The following CERK variants were observed in gnomAD, a reference collection of about 807,000 sequenced individuals.
CERK encodes acylsphingosine kinase.
A neutral mutation model predicts 63.4 loss-of-function variants in CERK; 39 were observed. The observed-to-expected ratio is 0.61, with a 90% confidence interval of 0.48 to 0.80. The LOEUF (loss-of-function observed/expected upper bound fraction) is 0.80, where lower values mean the gene tolerates loss of function less well. Among genes scored for constraint, CERK ranks in the 30% least tolerant of loss-of-function variants. The pLI, the probability that CERK is intolerant of heterozygous loss-of-function variation, is 0.00. For missense variants in CERK, 670 were observed against 714.1 expected (o/e 0.94, Z 0.70); for synonymous variants, 302 against 280.0 (o/e 1.08, Z -0.78).
intron 6 of CERK, among the ~76,000 whole-genome samples, chr22:46,704,392 G>T (rs2082803184): frequency 6.6e-6 from 1 of 152,216 alleles, no homozygotes; most frequent in Non-Finnish European, 1.5e-5. Context: ...CAGCATAGAT[G>T]AGAATGCAGA....
chr22:46,733,929 A>G (rs2082958909), intron 1 of CERK, among the ~76,000 whole-genome samples: 1 of 151,998 alleles, frequency 6.6e-6, no homozygotes, highest in Admixed American at 6.6e-5. Flanking sequence ...CCAGCTACTC[A>G]GGAGGCTAAG....
chr22:46,698,191 A>C (rs568494330), intron 8 of CERK, among the ~76,000 whole-genome samples: 1 of 152,388 alleles, frequency 6.6e-6, no homozygotes, highest in Non-Finnish European at 1.5e-5. Context: ...TCTCCGCTAT[A>C]AAGTGGGGCA....
chr22:46,724,901 G>A (rs2082910695), intron 1 of CERK, among the ~76,000 whole-genome samples: 1 of 152,092 alleles, frequency 6.6e-6, no homozygotes, highest in Admixed American at 6.5e-5. Context: ...GGCACCTGTA[G>A]CCCCAGCTAC....
chr22:46,729,866 T>C lies in CERK; in HGVS notation c.142+8141A>G, dbSNP rs1049145024. ...CATCCTGGCTAACACGGTGAAACCCTGTCCCTACTAAAAATACAAAAAATT... is the reference window on the plus strand; with the variant it reads ...CATCCTGGCTAACACGGTGAAACCCCGTCCCTACTAAAAATACAAAAAATT... On this transcript the variant is annotated intron_variant, in intron 1 of 12. Coordinates refer to ENST00000216264, the MANE Select transcript of CERK (RefSeq NM_022766.6). 8.6e-5 allele frequency among the ~76,000 whole-genome samples: 13 copies of C among 152,034 alleles called. No individual in the cohort carries two copies. In the East Asian group the frequency reaches 2.3e-3, roughly 27 times the overall value.
At chr22:46,692,026 TTGGACAA>T (rs1345657647) in intron 10 of CERK, among the ~76,000 whole-genome samples, 4 of 152,346 alleles carry the variant, frequency 2.6e-5, no homozygotes, top group Non-Finnish European at 4.4e-5. Flanking sequence ...TTGGTGACTT[TTGGACAA>T]TTTAGAACAA....
At chr22:46,718,906 T>C (rs972131842) in intron 3 of CERK, among the ~76,000 whole-genome samples, 1 of 151,958 alleles carries the variant, frequency 6.6e-6, no homozygotes, top group African/African-American at 2.4e-5. Flanking sequence ...AAACCCTGTC[T>C]GTACAAAAAA....
At chr22:46,734,514 G>A (rs1373928158) in intron 1 of CERK, among the ~76,000 whole-genome samples, 3 of 152,224 alleles carry the variant, frequency 2.0e-5, no homozygotes, top group African/African-American at 7.2e-5. Context: ...TGTCCCTGGT[G>A]AGAAAACAGC....
chr22:46,706,678 CA>C (rs2082814523), intron 6 of CERK, among the ~76,000 whole-genome samples: 3 of 152,130 alleles, frequency 2.0e-5, no homozygotes, highest in Non-Finnish European at 4.4e-5. Flanking sequence ...GGATCGTAAC[CA>C]GACGATCATC....
chr22:46,727,935 CAG>C (rs2082927631), intron 1 of CERK, among the ~76,000 whole-genome samples: 1 of 151,924 alleles, frequency 6.6e-6, no homozygotes, highest in Non-Finnish European at 1.5e-5. Context: ...TCTCAGGAAA[CAG>C]GGCTGTGGCA....
rs2082858850 is a variant in CERK at position 46,714,774 on chromosome 22, GTGA to G, written c.380-2484_380-2482del. On this transcript the variant is annotated intron_variant, in intron 3 of 12. Coordinates refer to ENST00000216264, the MANE Select transcript of CERK (RefSeq NM_022766.6). The surrounding 1 kb of genome is among the most constrained non-coding windows in gnomAD (Gnocchi z 4.4). ...TGAACTCTTTGTATGACACACCACT[GTGA>G]CCTTGGGAACAAAACCAGACAAAGA... Among the ~76,000 whole-genome samples the G allele has an allele frequency of 6.6e-6, 1 of 152,080 alleles. No homozygotes were observed.
chr22:46,725,996 G>C (rs923551396), intron 1 of CERK, among the ~76,000 whole-genome samples: 1 of 152,258 alleles, frequency 6.6e-6, no homozygotes, highest in Non-Finnish European at 1.5e-5. Context: ...CTGTCAATCA[G>C]CTTTGATACT....
intron 1 of CERK, among the ~76,000 whole-genome samples, chr22:46,731,797 G>A (rs897755410): frequency 6.6e-5 from 10 of 152,336 alleles, no homozygotes; most frequent in South Asian, 2.1e-4. Context: ...ACGCATGGGC[G>A]AGCAGTGCCT....
chr22:46,737,415 C>G (rs897179891), intron 1 of CERK, among the ~76,000 whole-genome samples: 1 of 152,258 alleles, frequency 6.6e-6, no homozygotes, highest in Non-Finnish European at 1.5e-5. Context: ...AGTCACTCTT[C>G]TCCTCATCCG....
At chr22:46,699,513 G>A (rs547617944) in intron 7 of CERK, 48 bp from the exon 8 acceptor site, 4 of 1,591,420 alleles carry the variant, frequency 2.5e-6, no homozygotes, top group East Asian at 4.5e-5. Context: ...CTCCAGCCCC[G>A]CCCCATCCAC....
chr22:46,713,823 A>G (rs998448059), intron 3 of CERK, among the ~76,000 whole-genome samples: 1 of 152,130 alleles, frequency 6.6e-6, no homozygotes, highest in African/African-American at 2.4e-5. Context: ...TGTGTTTCAG[A>G]AGTCATTGAT....
intron 8 of CERK, among the ~76,000 whole-genome samples, chr22:46,697,945 G>A (rs2082764331): frequency 6.6e-6 from 1 of 152,230 alleles, no homozygotes; most frequent in African/African-American, 2.4e-5. Flanking sequence ...TAAACTCTGT[G>A]GTCGGGTAAC....
chr22:46,729,429 G>C (rs965386306), intron 1 of CERK, among the ~76,000 whole-genome samples: 1 of 151,738 alleles, frequency 6.6e-6, no homozygotes, highest in Non-Finnish European at 1.5e-5. Flanking sequence ...TTTTTTAAGA[G>C]ACAGGGTCTT....
At chr22:46,699,503 C>G (rs971662020) in intron 7 of CERK, 38 bp from the exon 8 acceptor site, 6 of 1,609,262 alleles carry the variant, frequency 3.7e-6, no homozygotes, top group South Asian at 3.3e-5. Flanking sequence ...GGCAGCCCCC[C>G]TCCAGCCCCG....
At chr22:46,724,883 T>C (rs897839002) in intron 1 of CERK, among the ~76,000 whole-genome samples, 2 of 152,022 alleles carry the variant, frequency 1.3e-5, no homozygotes, top group Admixed American at 1.3e-4. Flanking sequence ...TAGCCGGGTG[T>C]GGTGGCGGGC....
Sources: allele counts gnomAD v4.1 joint callset (sites outside exome capture counted in the v4.1 genomes callset), GRCh38; gene constraint gnomAD v4.1.1; non-coding constraint Gnocchi (gnomAD v3.1); transcripts MANE v1.5; gene names NCBI Gene and HGNC (gene_info 2026-07-23, HGNC 2026-07-21).